Variants in NPAS3 observed in about 807,000 individuals in gnomAD.
The protein encoded by NPAS3 is neuronal PAS domain protein 3, also known as neuronal PAS domain-containing protein 3.
NPAS3 carries 14 observed loss-of-function variants against 73.1 expected under a neutral mutation model. That is an observed-to-expected ratio of 0.19 (90% CI 0.13 to 0.30). The LOEUF (loss-of-function observed/expected upper bound fraction) is 0.30, where lower values mean the gene tolerates loss of function less well. Ranked by LOEUF, NPAS3 falls within the 10% of genes least tolerant of loss-of-function variation. The pLI, the probability that NPAS3 is intolerant of heterozygous loss-of-function variation, is 1.00. For synonymous variants in NPAS3, 620 were observed against 541.5 expected (o/e 1.14, Z -2.01); for missense variants, 1,096 against 1,250.0 (o/e 0.88, Z 1.86).
intron 4 of NPAS3, among the ~76,000 whole-genome samples, chr14:33,514,623 A>G (rs184669621): frequency 6.6e-6 from 1 of 152,084 alleles, no homozygotes; most frequent in Non-Finnish European, 1.5e-5. Flanking sequence ...TGAATTTGAA[A>G]TTAGAACATG....
intron 5 of NPAS3, among the ~76,000 whole-genome samples, chr14:33,667,553 A>G (rs993551076): frequency 6.6e-6 from 1 of 152,206 alleles, no homozygotes; most frequent in African/African-American, 2.4e-5. Flanking sequence ...GTTATTAAAC[A>G]GTTGTGAATT....
intron 2 of NPAS3, among the ~76,000 whole-genome samples, chr14:33,096,694 G>A (rs1228382128): frequency 6.6e-6 from 1 of 152,092 alleles, no homozygotes; most frequent in Non-Finnish European, 1.5e-5. Context: ...CCGTAGTCTG[G>A]CAATGTTAAA....
At chr14:33,672,583 C>T (rs561561506) in intron 5 of NPAS3, among the ~76,000 whole-genome samples, 11 of 152,138 alleles carry the variant, frequency 7.2e-5, no homozygotes, top group African/African-American at 2.6e-4. Flanking sequence ...GAAGTAATGT[C>T]TGTTCATCAA....
chr14:33,026,597 A>G (rs560393353), intron 1 of NPAS3, among the ~76,000 whole-genome samples: 13 of 150,824 alleles, frequency 8.6e-5, no homozygotes, highest in African/African-American at 2.2e-4. Flanking sequence ...TATTTTATGG[A>G]GAGCTAAGGA....
rs184013972 is a variant in NPAS3, at chr14:33,335,407, G to A, written c.386-31779G>A. ...TCTCAGAGTTTGGGGGATTCTCCCT[G>A]CTTTTATACCCATATTGAGTCTGAG... On this transcript the variant is annotated intron_variant, in intron 3 of 11. Transcript: ENST00000356141. Among the ~76,000 whole-genome samples the A allele has an allele frequency of 5.3e-5, 8 of 152,206 alleles. No individual in the cohort carries two copies. The East Asian group carries it at 1.4e-3, about 26-fold the overall frequency.
chr14:33,041,555 T>C (rs1488629986), intron 1 of NPAS3, among the ~76,000 whole-genome samples: 1 of 152,152 alleles, frequency 6.6e-6, no homozygotes, highest in Non-Finnish European at 1.5e-5. Flanking sequence ...AATGGTGAGG[T>C]ACCTGTGACC....
chr14:33,201,082 A>T (rs1216837446), intron 2 of NPAS3, among the ~76,000 whole-genome samples: 1 of 152,242 alleles, frequency 6.6e-6, no homozygotes, highest in Non-Finnish European at 1.5e-5. Flanking sequence ...AATGCAAATG[A>T]ATGATTCTGA....
chr14:33,205,356 C>T (rs1488728164), intron 2 of NPAS3, among the ~76,000 whole-genome samples: 1 of 152,000 alleles, frequency 6.6e-6, no homozygotes, highest in Non-Finnish European at 1.5e-5. Flanking sequence ...AGTAAATATC[C>T]TTTTTGGCAA....
At chr14:33,058,764 G>A (rs1299295519) in intron 2 of NPAS3, among the ~76,000 whole-genome samples, 1 of 152,146 alleles carries the variant, frequency 6.6e-6, no homozygotes, top group Non-Finnish European at 1.5e-5. Context: ...TGTTTACTGG[G>A]TAGATCATGA....
chr14:33,293,093 AT>A, intron 3 of NPAS3, among the ~76,000 whole-genome samples: 1 of 152,258 alleles, frequency 6.6e-6, no homozygotes, highest in East Asian at 1.9e-4. Flanking sequence ...AGAACTGAGC[AT>A]CTCTTGCTGG....
At chr14:33,572,619 A>T (rs2139826627) in intron 5 of NPAS3, among the ~76,000 whole-genome samples, 1 of 152,306 alleles carries the variant, frequency 6.6e-6, no homozygotes, top group Non-Finnish European at 1.5e-5. Flanking sequence ...GTTAACCAGG[A>T]ACGCTAGTTA....
At chr14:33,544,681 T>G (rs138941895) in intron 4 of NPAS3, among the ~76,000 whole-genome samples, 3 of 149,104 alleles carry the variant, frequency 2.0e-5, no homozygotes, top group African/African-American at 7.5e-5. Flanking sequence ...TTCAGGCCTG[T>G]GACAGAATAA....
chr14:33,767,340 C>T (rs2062495694), intron 7 of NPAS3, among the ~76,000 whole-genome samples: 1 of 152,186 alleles, frequency 6.6e-6, no homozygotes. Flanking sequence ...TGTTTAGTTT[C>T]AGAAGACCCG....
At chr14:33,313,350 G>A (rs1013651614) in intron 3 of NPAS3, among the ~76,000 whole-genome samples, 4 of 151,898 alleles carry the variant, frequency 2.6e-5, no homozygotes, top group Admixed American at 2.0e-4. Flanking sequence ...GTATCCCAGC[G>A]GTTTATTGAA....
intron 5 of NPAS3, among the ~76,000 whole-genome samples, chr14:33,644,694 C>T (rs917574146): frequency 4.6e-5 from 7 of 152,096 alleles, no homozygotes; most frequent in Non-Finnish European, 1.0e-4. Context: ...CCATCCCAGC[C>T]TAGGGTTCTG....
chr14:33,693,834 A>C (rs1314414480), intron 6 of NPAS3, among the ~76,000 whole-genome samples: 9 of 152,214 alleles, frequency 5.9e-5, no homozygotes, highest in Non-Finnish European at 1.0e-4. Context: ...AAACAGGACT[A>C]AGACTTTTTC....
intron 5 of NPAS3, among the ~76,000 whole-genome samples, chr14:33,651,152 C>T (rs184095195): frequency 4.2e-4 from 64 of 152,330 alleles, no homozygotes; most frequent in Non-Finnish European, 8.4e-4. Context: ...CATCACACCT[C>T]CTACAACTTA....
chr14:33,251,341 A>C (rs2048577296), intron 3 of NPAS3, among the ~76,000 whole-genome samples: 1 of 152,050 alleles, frequency 6.6e-6, no homozygotes, highest in Non-Finnish European at 1.5e-5. Context: ...GTATTTGCAG[A>C]ATTGTGTATT....
intron 4 of NPAS3, among the ~76,000 whole-genome samples, chr14:33,443,866 A>C (rs1032087938): frequency 6.6e-6 from 1 of 152,136 alleles, no homozygotes; most frequent in Non-Finnish European, 1.5e-5. Context: ...ATAATGTTGG[A>C]AACTGTGTCA....
Sources: gnomAD v4.1 joint callset for allele counts (sites outside exome capture counted in the v4.1 genomes callset) on GRCh38, gnomAD v4.1.1 for gene constraint, MANE v1.5 for transcripts, NCBI Gene and HGNC (gene_info 2026-07-23, HGNC 2026-07-21) for gene names.